The following MAGI1 variants were observed in gnomAD, a reference collection of about 807,000 sequenced individuals.
MAGI1 encodes membrane associated guanylate kinase, WW and PDZ domain containing 1.
A neutral mutation model predicts 139.9 loss-of-function variants in MAGI1; 58 were observed. That is an observed-to-expected ratio of 0.41 (90% CI 0.34 to 0.52). The LOEUF (loss-of-function observed/expected upper bound fraction) is 0.52. Ranked by LOEUF, MAGI1 falls within the 20% of genes least tolerant of loss-of-function variation. The pLI, the probability that MAGI1 is intolerant of heterozygous loss-of-function variation, is 0.12. For missense variants in MAGI1, 1,874 were observed against 1,901.6 expected, an observed-to-expected ratio of 0.99 and a Z score of 0.27; for synonymous variants, 812 against 737.9, an observed-to-expected ratio of 1.10 and a Z score of -1.63.
At chr3:65,750,337 G>A (rs553581130) in intron 1 of MAGI1, among the ~76,000 whole-genome samples, 6 of 152,206 alleles carry the variant, frequency 3.9e-5, no homozygotes, top group South Asian at 2.1e-4. Flanking sequence ...GGATTTATAC[G>A]TACAGTGGTG....
chr3:65,464,330 T>C (rs1950032598), intron 5 of MAGI1, among the ~76,000 whole-genome samples: 1 of 152,146 alleles, frequency 6.6e-6, no homozygotes, highest in African/African-American at 2.4e-5. Context: ...GGAGTTTAGA[T>C]TGTTAATTTG....
chr3:66,023,188 A>T (rs941690356), intron 1 of MAGI1, among the ~76,000 whole-genome samples: 1 of 152,134 alleles, frequency 6.6e-6, no homozygotes, highest in Non-Finnish European at 1.5e-5. Context: ...TATCCTATCT[A>T]AAATTTGAAT....
chr3:65,834,094 C>T (rs1038323685), intron 1 of MAGI1, among the ~76,000 whole-genome samples: 4 of 152,182 alleles, frequency 2.6e-5, no homozygotes, highest in Non-Finnish European at 5.9e-5. Context: ...TTATGCCTAA[C>T]ACCAGCTGAT....
At position 65,684,868 on chromosome 3, in the gene MAGI1, ATTTTTTT is replaced by A. The variant is rs761948943; in HGVS notation, c.314-62787_314-62781del. Among the ~76,000 whole-genome samples, 761 of 98,170 alleles carry A rather than the reference ATTTTTTT, an allele frequency of 7.8e-3. 14 individuals carry two copies. Among genetic ancestry groups the A allele is most frequent in the African/African-American group, 0.04 (713 of 17,700 alleles). 64.4% of individuals were successfully genotyped at this position (98,170 alleles called of 152,430 possible). On this transcript the variant is annotated intron_variant, in intron 1 of 22. Coordinates refer to ENST00000402939, the MANE Select transcript of MAGI1 (RefSeq NM_001033057.2). ...AGGTGCAAGCCACCACACCTGGCTA[ATTTTTTT>A]TTTTTTTTTTTTTTTTTTTTTTGGT...
chr3:65,545,506 G>A (rs1353872290), intron 2 of MAGI1, among the ~76,000 whole-genome samples: 1 of 152,168 alleles, frequency 6.6e-6, no homozygotes. Context: ...TAAGATGTGT[G>A]TCAAAGGCCA....
rs544579268 is a variant in MAGI1, at chr3:65,991,710, T to C, written c.313+46286A>G. ...GACTCTTCCCTAAATCACACGGTGG[T>C]ATCAGTTTAAAAAATAAATCCAGGC... On this transcript the variant is annotated intron_variant, in intron 1 of 22. Transcript: ENST00000402939. Among the ~76,000 whole-genome samples, 50 of 152,208 alleles carry C rather than the reference T, an allele frequency of 3.3e-4. 1 individual carries two copies. The highest frequency in any genetic ancestry group is 1.0e-3 in the South Asian group (5 of 4,812).
chr3:65,432,879 C>T (rs1283634526), intron 10 of MAGI1, among the ~76,000 whole-genome samples: 1 of 152,136 alleles, frequency 6.6e-6, no homozygotes, highest in African/African-American at 2.4e-5. Flanking sequence ...ACAGCCATTA[C>T]CTTCGCAGCA....
At position 65,505,916 on chromosome 3, in the gene MAGI1, G is replaced by A. The variant is rs777093281; in HGVS notation, c.431-12285C>T. 5.5e-4 allele frequency among the ~76,000 whole-genome samples: 84 copies of A among 152,072 alleles called. 1 individual carries two copies. The highest frequency in any genetic ancestry group is 8.3e-4 in the South Asian group (4 of 4,832). ...TTCTCATGAATATTATAATTTAGCT[G>A]AGGCATTGTTACATTTCCATAAATA... On this transcript the variant is annotated intron_variant, in intron 2 of 22. Coordinates refer to ENST00000402939, the MANE Select transcript of MAGI1 (RefSeq NM_001033057.2).
chr3:65,682,796 G>C (rs902284213), intron 1 of MAGI1, among the ~76,000 whole-genome samples: 1 of 152,080 alleles, frequency 6.6e-6, no homozygotes, highest in Non-Finnish European at 1.5e-5. Context: ...GAATGAAAAA[G>C]AACAGTAACA....
intron 1 of MAGI1, among the ~76,000 whole-genome samples, chr3:65,882,934 CAAA>C (rs10574443): frequency 4.9e-4 from 43 of 87,010 alleles, no homozygotes; most frequent in African/African-American, 9.2e-4. Flanking sequence ...GACCCTGTCT[CAAA>C]AAAAAAAAAA....
chr3:65,841,522 G>A (rs1203409965), intron 1 of MAGI1, among the ~76,000 whole-genome samples: 1 of 151,564 alleles, frequency 6.6e-6, no homozygotes, highest in African/African-American at 2.4e-5. Flanking sequence ...CCGCCTCCCG[G>A]GTTCAAGCCA....
At chr3:65,439,493 G>A (rs7639549) in intron 9 of MAGI1, among the ~76,000 whole-genome samples, 143,018 of 152,210 alleles carry the variant, frequency 0.94, 67,426 homozygotes, top group East Asian at 0.99. Flanking sequence ...TACATGTAAT[G>A]TTCCTAAAAT....
intron 1 of MAGI1, among the ~76,000 whole-genome samples, chr3:65,918,821 T>C (rs1206754325): frequency 6.6e-6 from 1 of 152,082 alleles, no homozygotes; most frequent in Non-Finnish European, 1.5e-5. Flanking sequence ...AAATTATCCC[T>C]ACCAACAAAT....
intron 1 of MAGI1, among the ~76,000 whole-genome samples, chr3:65,698,080 A>G (rs1292719996): frequency 9.6e-6 from 1 of 104,550 alleles, no homozygotes; most frequent in African/African-American, 4.5e-5. Context: ...ATACACCAAT[A>G]ACAGACAAAC....
At chr3:65,608,069 A>C (rs200100320) in intron 2 of MAGI1, among the ~76,000 whole-genome samples, 23 of 152,252 alleles carry the variant, frequency 1.5e-4, no homozygotes, top group Non-Finnish European at 2.6e-4. Context: ...CAGTGCAAGC[A>C]CAGCCAATAA....
At chr3:65,836,582 A>T (rs959445654) in intron 1 of MAGI1, among the ~76,000 whole-genome samples, 1 of 150,030 alleles carries the variant, frequency 6.7e-6, no homozygotes, top group Non-Finnish European at 1.5e-5. Flanking sequence ...GCACTTTGGG[A>T]GGCTGAGGCG....
intron 1 of MAGI1, among the ~76,000 whole-genome samples, chr3:65,666,137 T>A (rs549041909): frequency 8.3e-4 from 127 of 152,344 alleles, no homozygotes; most frequent in African/African-American, 2.6e-3. Context: ...CTGACTCATG[T>A]TGATCAGTCC....
chr3:65,430,276 T>C lies in MAGI1; in HGVS notation c.1547-136A>G, dbSNP rs1947355564. ...GATACTATAGGGTATAAAGTGCTTC[T>C]ATTACTGATTTTAACAGCTAATAAA... On this transcript the variant is annotated intron_variant, in intron 11 of 22. Coordinates refer to ENST00000402939, the MANE Select transcript of MAGI1 (RefSeq NM_001033057.2). 5 of 833,206 alleles carry C rather than the reference T, an allele frequency of 6.0e-6. No individual in the cohort carries two copies. The East Asian group carries it at 1.3e-4, about 22-fold the overall frequency. 51.6% of individuals were successfully genotyped at this position (833,206 alleles called of 1,614,324 possible). A position where few individuals can be genotyped will look rare whatever the true frequency, so the allele number is the denominator to read the frequency against.
intron 10 of MAGI1, among the ~76,000 whole-genome samples, chr3:65,434,511 G>A (rs1444176692): frequency 6.6e-6 from 1 of 152,082 alleles, no homozygotes; most frequent in Non-Finnish European, 1.5e-5. Flanking sequence ...AATTTAGTTG[G>A]CCTGTGAACT....
Sources: gnomAD v4.1 joint callset for allele counts (sites outside exome capture counted in the v4.1 genomes callset) on GRCh38, gnomAD v4.1.1 for gene constraint, MANE v1.5 for transcripts, NCBI Gene and HGNC (gene_info 2026-07-23, HGNC 2026-07-21) for gene names.